Variants in ADGRL2 observed in about 807,000 individuals in gnomAD.
ADGRL2 encodes the protein calcium-independent alpha-latrotoxin receptor 2.
In ADGRL2, 44 loss-of-function variants were observed where a neutral mutation model predicts 157.4. That is an observed-to-expected ratio of 0.28 (90% CI 0.22 to 0.36). The LOEUF is 0.36. Ranked by LOEUF, ADGRL2 falls within the 10% of genes least tolerant of loss-of-function variation. The probability of loss-of-function intolerance (pLI) is 1.00; values close to 1 mark genes in which losing one functional copy is unlikely to be tolerated. For synonymous variants in ADGRL2, 585 were observed against 624.7 expected, an observed-to-expected ratio of 0.94 and a Z score of 0.95; for missense variants, 1,510 against 1,768.9, an observed-to-expected ratio of 0.85 and a Z score of 2.63.
chr1:81,526,427 T>G (rs2079457438), intron 2 of ADGRL2, among the ~76,000 whole-genome samples: 1 of 152,216 alleles, frequency 6.6e-6, no homozygotes, highest in Non-Finnish European at 1.5e-5. Context: ...ATATTATAGC[T>G]TGATAGGTAG....
chr1:81,330,259 A>G (rs1181493935), intron 1 of ADGRL2, among the ~76,000 whole-genome samples: 2 of 152,090 alleles, frequency 1.3e-5, no homozygotes, highest in Non-Finnish European at 2.9e-5. Flanking sequence ...TCAAATACTG[A>G]CCCAATGAGG....
chr1:81,543,694 A>C (rs987751694), intron 2 of ADGRL2, among the ~76,000 whole-genome samples: 5 of 152,056 alleles, frequency 3.3e-5, no homozygotes, highest in Non-Finnish European at 7.4e-5. Context: ...GTCTATTTTC[A>C]AGAGGCAGTC....
At chr1:81,979,097 A>C (rs1660961971) in intron 17 of ADGRL2, among the ~76,000 whole-genome samples, 1 of 151,718 alleles carries the variant, frequency 6.6e-6, no homozygotes, top group Non-Finnish European at 1.5e-5. Flanking sequence ...GTCAAAACAC[A>C]GCTCCTTTTC....
intron 3 of ADGRL2, among the ~76,000 whole-genome samples, chr1:81,664,976 T>C (rs1321020798): frequency 6.6e-6 from 1 of 152,134 alleles, no homozygotes; most frequent in Admixed American, 6.6e-5. Context: ...AAACAATGAA[T>C]CTGACATTGT....
intron 17 of ADGRL2, among the ~76,000 whole-genome samples, chr1:81,974,923 T>G (rs1257401520): frequency 6.6e-6 from 1 of 152,076 alleles, no homozygotes; most frequent in Non-Finnish European, 1.5e-5. Flanking sequence ...TGTTTGGGGA[T>G]AGGTAAAAGA....
At chr1:81,771,159 A>T (rs1353436379) in intron 2 of ADGRL2, among the ~76,000 whole-genome samples, 1 of 152,156 alleles carries the variant, frequency 6.6e-6, no homozygotes, top group Non-Finnish European at 1.5e-5. Flanking sequence ...TGAACAGTTC[A>T]CCATTAAGTT....
intron 3 of ADGRL2, among the ~76,000 whole-genome samples, chr1:81,915,259 T>G (rs937603459): frequency 6.6e-6 from 1 of 152,062 alleles, no homozygotes; most frequent in South Asian, 2.1e-4. Flanking sequence ...AAAAGTTTTT[T>G]TACAGACAGG....
chr1:81,945,405 T>A (rs1431778606), intron 6 of ADGRL2, among the ~76,000 whole-genome samples: 3 of 151,644 alleles, frequency 2.0e-5, no homozygotes, highest in Admixed American at 2.0e-4. Context: ...TTTTTTGTCA[T>A]CCTCAGAAAA....
chr1:81,504,150 G>A (rs1332478725), intron 2 of ADGRL2, among the ~76,000 whole-genome samples: 1 of 152,168 alleles, frequency 6.6e-6, no homozygotes, highest in African/African-American at 2.4e-5. Context: ...GAGCCTCGGG[G>A]CTGCCCAGCC....
At chr1:81,581,894 A>ACACACACACT (rs1233592087) in intron 3 of ADGRL2, among the ~76,000 whole-genome samples, 26 of 151,672 alleles carry the variant, frequency 1.7e-4, no homozygotes, top group Non-Finnish European at 3.2e-4. Context: ...ACACACACAC[A>ACACACACACT]CACACACACA....
intron 1 of ADGRL2, among the ~76,000 whole-genome samples, chr1:81,733,456 G>C (rs913411377): frequency 4.6e-5 from 7 of 152,098 alleles, no homozygotes; most frequent in African/African-American, 1.4e-4. Flanking sequence ...TTCTCACCTG[G>C]TCTTTCCTCC....
At chr1:81,484,250 G>T (rs1418058386) in intron 2 of ADGRL2, among the ~76,000 whole-genome samples, 6 of 152,124 alleles carry the variant, frequency 3.9e-5, no homozygotes, top group African/African-American at 1.4e-4. Context: ...ATTGTTTAAA[G>T]AGTACATTCT....
intron 2 of ADGRL2, among the ~76,000 whole-genome samples, chr1:81,860,546 A>G (rs569027819): frequency 6.6e-6 from 1 of 152,248 alleles, no homozygotes; most frequent in African/African-American, 2.4e-5. Flanking sequence ...TAATCATATA[A>G]TGTATGAGTT....
intron 3 of ADGRL2, among the ~76,000 whole-genome samples, chr1:81,682,286 A>C (rs1430929787): frequency 6.6e-6 from 1 of 152,154 alleles, no homozygotes; most frequent in African/African-American, 2.4e-5. Flanking sequence ...AATCTCAGGG[A>C]ATGGCTGGTA....
At chr1:81,432,755 C>T (rs1197037120) in intron 1 of ADGRL2, among the ~76,000 whole-genome samples, 1 of 152,090 alleles carries the variant, frequency 6.6e-6, no homozygotes, top group African/African-American at 2.4e-5. Flanking sequence ...TTGGAAAAGG[C>T]ACTGGATTGT....
intron 2 of ADGRL2, among the ~76,000 whole-genome samples, chr1:81,575,290 A>G (rs1224440597): frequency 2.0e-5 from 3 of 152,150 alleles, no homozygotes; most frequent in African/African-American, 7.2e-5. Flanking sequence ...ATATTCTTCT[A>G]AGCTTAATAG....
chr1:81,771,390 T>A (rs2086361367), intron 2 of ADGRL2, among the ~76,000 whole-genome samples: 1 of 152,184 alleles, frequency 6.6e-6, no homozygotes, highest in Non-Finnish European at 1.5e-5. Context: ...AGTTTTCATG[T>A]CCCTGCTAGC....
upstream of ADGRL2, among the ~76,000 whole-genome samples, chr1:81,699,316 G>C (rs2083510447): frequency 6.6e-6 from 1 of 152,206 alleles, no homozygotes; most frequent in South Asian, 2.1e-4. Context: ...CAAACAGAAA[G>C]CTGTAGAACA....
At chr1:81,864,911 G>A (rs1333335925) in intron 2 of ADGRL2, among the ~76,000 whole-genome samples, 2 of 152,146 alleles carry the variant, frequency 1.3e-5, no homozygotes, top group East Asian at 3.9e-4. Context: ...CCTTGCGCCT[G>A]TGATGCAGAG....
Sources: gnomAD v4.1 joint callset for allele counts (sites outside exome capture counted in the v4.1 genomes callset) on GRCh38, gnomAD v4.1.1 for gene constraint, MANE v1.5 for transcripts, NCBI Gene and HGNC (gene_info 2026-07-23, HGNC 2026-07-21) for gene names.